PPP2R2B: variants seen among roughly 807,000 people sequenced by gnomAD.
The protein encoded by PPP2R2B is serine/threonine-protein phosphatase 2A 55 kDa regulatory subunit B beta isoform.
A neutral mutation model predicts 46.0 loss-of-function variants in PPP2R2B; 5 were observed. That is an observed-to-expected ratio of 0.11 (90% confidence interval 0.06 to 0.23). The LOEUF is 0.23. Ranked by LOEUF, PPP2R2B falls within the 10% of genes least tolerant of loss-of-function variation. The probability of loss-of-function intolerance (pLI) is 1.00; values close to 1 mark genes in which losing one functional copy is unlikely to be tolerated. For synonymous variants in PPP2R2B, 215 were observed against 206.7 expected (o/e 1.04, Z -0.34); for missense variants, 367 against 575.0 (o/e 0.64, Z 3.70).
intron 2 of PPP2R2B, among the ~76,000 whole-genome samples, chr5:146,733,950 T>C (rs2151210249): frequency 6.6e-6 from 1 of 152,226 alleles, no homozygotes; most frequent in South Asian, 2.1e-4. Flanking sequence ...GTAGTAATAG[T>C]AGTGGTAGTA....
At chr5:146,749,792 G>A (rs1753438164) in intron 2 of PPP2R2B, among the ~76,000 whole-genome samples, 1 of 151,782 alleles carries the variant, frequency 6.6e-6, no homozygotes, top group African/African-American at 2.4e-5. Flanking sequence ...TAGAGACGGG[G>A]TTTCACCGTG....
chr5:146,897,808 G>GAA (rs34021321), intron 1 of PPP2R2B, among the ~76,000 whole-genome samples: 1 of 148,944 alleles, frequency 6.7e-6, no homozygotes, highest in Non-Finnish European at 1.5e-5. Context: ...TAGAGAATAA[G>GAA]AAAAAAAAAA....
At chr5:146,966,158 T>C (rs1413064252) in intron 1 of PPP2R2B, among the ~76,000 whole-genome samples, 6 of 152,214 alleles carry the variant, frequency 3.9e-5, no homozygotes, top group Admixed American at 1.3e-4. Context: ...TCTTAGCTAA[T>C]GGTCCTTTGG....
At chr5:147,055,557 G>T in intron 1 of PPP2R2B, 1 of 951,148 alleles carries the variant, frequency 1.1e-6, no homozygotes, top group Non-Finnish European at 1.7e-6. Context: ...TGCCAGGAAT[G>T]ACAGTCACCT....
chr5:146,975,961 G>C (rs1199914018), intron 1 of PPP2R2B, among the ~76,000 whole-genome samples: 1 of 151,780 alleles, frequency 6.6e-6, no homozygotes, highest in East Asian at 1.9e-4. Flanking sequence ...GTGATGCATG[G>C]AAGTTTTTAA....
At chr5:146,873,261 C>A (rs1439403252) in intron 2 of PPP2R2B, among the ~76,000 whole-genome samples, 1 of 152,146 alleles carries the variant, frequency 6.6e-6, no homozygotes, top group African/African-American at 2.4e-5. Flanking sequence ...CCATCTAATT[C>A]TCTCCATCTC....
At chr5:146,782,107 C>T (rs1023314625) in intron 2 of PPP2R2B, among the ~76,000 whole-genome samples, 1 of 152,176 alleles carries the variant, frequency 6.6e-6, no homozygotes, top group Non-Finnish European at 1.5e-5. Context: ...TTGCCCTCCA[C>T]CATGACTGCA....
At chr5:147,018,934 A>G (rs1230603066) in intron 1 of PPP2R2B, among the ~76,000 whole-genome samples, 1 of 152,176 alleles carries the variant, frequency 6.6e-6, no homozygotes, top group Admixed American at 6.5e-5. Flanking sequence ...GTTAAAATGA[A>G]TTAGAATGAT....
At chr5:146,870,630 G>A (rs1010213775) in intron 2 of PPP2R2B, among the ~76,000 whole-genome samples, 2 of 152,128 alleles carry the variant, frequency 1.3e-5, no homozygotes, top group African/African-American at 4.8e-5. Flanking sequence ...CAAGCACAAA[G>A]GCCAGTACAC....
chr5:146,708,391 ATGTATGTGTGTG>A lies in PPP2R2B; in HGVS notation c.71-7261_71-7250del, dbSNP rs1445383119. On this transcript the variant is annotated intron_variant, in intron 2 of 9. Coordinates refer to ENST00000394411, the MANE Select transcript of PPP2R2B (RefSeq NM_181675.4). ...AAAAACACTGTATATCTGTATATCT[ATGTATGTGTGTG>A]TGTATGTGTGTGTGTGTGTGTGTGT... is the stretch of plus-strand genomic sequence containing the variant. 5.0e-3 allele frequency among the ~76,000 whole-genome samples: 681 copies of A among 134,876 alleles called. 4 individuals are homozygous for A. Among genetic ancestry groups the A allele is most frequent in the African/African-American group, 0.018 (633 of 35,202 alleles). 88.5% of individuals were successfully genotyped at this position (134,876 alleles called of 152,430 possible).
chr5:146,652,760 ACCC>A lies in PPP2R2B; in HGVS notation c.448-2039_448-2037del, dbSNP rs5871984. Among the ~76,000 whole-genome samples, 585 of 151,644 alleles carry A rather than the reference ACCC, an allele frequency of 3.9e-3. 5 individuals are homozygous for A. Among genetic ancestry groups the A allele is most frequent in the African/African-American group, 0.014 (564 of 41,252 alleles). ...GGTGACAGGCTAGGTAGGAGGCAAC[ACCC>A]CCCCCCAAAAAGTTTTGCCATTATT... On this transcript the variant is annotated intron_variant, in intron 5 of 9. Coordinates refer to ENST00000394411, the MANE Select transcript of PPP2R2B (RefSeq NM_181675.4).
intron 5 of PPP2R2B, among the ~76,000 whole-genome samples, chr5:146,678,242 G>C (rs1165131846): frequency 6.6e-6 from 1 of 151,736 alleles, no homozygotes; most frequent in Non-Finnish European, 1.5e-5. Context: ...CTCAATATAC[G>C]CAAATCAATA....
intron 6 of PPP2R2B, 95 bp from the exon 7 acceptor site, chr5:146,638,510 T>C: frequency 1.7e-6 from 2 of 1,171,048 alleles, no homozygotes; most frequent in East Asian, 5.0e-5. Context: ...ATTAGTAAAA[T>C]ATGTCAACAT....
At chr5:146,862,836 G>A (rs1761084933) in intron 2 of PPP2R2B, among the ~76,000 whole-genome samples, 3 of 142,498 alleles carry the variant, frequency 2.1e-5, no homozygotes, top group South Asian at 2.2e-4. Context: ...TGACTCAAAG[G>A]CAACCTGCTT....
At chr5:146,994,501 C>A (rs547026775) in intron 1 of PPP2R2B, among the ~76,000 whole-genome samples, 35 of 152,242 alleles carry the variant, frequency 2.3e-4, no homozygotes, top group Non-Finnish European at 4.3e-4. Context: ...ATAATGAATT[C>A]TTAAGCAGTT....
chr5:146,620,505 A>G (rs1773588574), intron 7 of PPP2R2B, among the ~76,000 whole-genome samples: 1 of 152,150 alleles, frequency 6.6e-6, no homozygotes, highest in South Asian at 2.1e-4. Context: ...CCTAATGAAG[A>G]AATCTGGTAA....
chr5:146,931,412 C>T (rs768623813), intron 1 of PPP2R2B, among the ~76,000 whole-genome samples: 1 of 152,052 alleles, frequency 6.6e-6, no homozygotes, highest in African/African-American at 2.4e-5. Context: ...AAATAGCACC[C>T]TCTCTCAATA....
chr5:146,633,811 G>C, intron 7 of PPP2R2B, among the ~76,000 whole-genome samples: 1 of 152,178 alleles, frequency 6.6e-6, no homozygotes, highest in South Asian at 2.1e-4. Context: ...TCCTGCTTCT[G>C]TATGACTGCA....
intron 1 of PPP2R2B, among the ~76,000 whole-genome samples, chr5:146,952,233 C>G (rs1414415421): frequency 6.6e-6 from 1 of 151,916 alleles, no homozygotes; most frequent in Admixed American, 6.6e-5. Flanking sequence ...TGACCAAGTC[C>G]TTTGTAATGA....
Sources: gnomAD v4.1 joint callset for allele counts (sites outside exome capture counted in the v4.1 genomes callset) on GRCh38, gnomAD v4.1.1 for gene constraint, MANE v1.5 for transcripts, NCBI Gene and HGNC (gene_info 2026-07-23, HGNC 2026-07-21) for gene names.